The following NAALADL2 variants were observed in gnomAD, a reference collection of about 807,000 sequenced individuals.
The protein encoded by NAALADL2 is N-acetylated alpha-linked acidic dipeptidase like 2.
In NAALADL2, 76 loss-of-function variants were observed where a neutral mutation model predicts 87.2. That is an observed-to-expected ratio of 0.87 (90% CI 0.72 to 1.05). NAALADL2 has a LOEUF of 1.05. Among genes scored for constraint, NAALADL2 ranks in the 50% least tolerant of loss-of-function variants. The pLI is 0.00. For synonymous variants in NAALADL2, 354 were observed against 331.0 expected (o/e 1.07, Z -0.75); for missense variants, 1,089 against 945.8 (o/e 1.15, Z -1.99).
intron 5 of NAALADL2, among the ~76,000 whole-genome samples, chr3:175,337,453 G>A (rs1762105650): frequency 6.6e-6 from 1 of 151,970 alleles, no homozygotes; most frequent in Non-Finnish European, 1.5e-5. Flanking sequence ...GAAGGCATTG[G>A]GGCATTTCCC....
At chr3:175,545,359 G>C (rs1353337542) in intron 9 of NAALADL2, among the ~76,000 whole-genome samples, 1 of 151,908 alleles carries the variant, frequency 6.6e-6, no homozygotes, top group African/African-American at 2.4e-5. Context: ...TAACAATAAT[G>C]GTTGTTATAT....
intron 2 of NAALADL2, among the ~76,000 whole-genome samples, chr3:174,728,112 C>T (rs2108973244): frequency 6.6e-6 from 1 of 152,108 alleles, no homozygotes; most frequent in Non-Finnish European, 1.5e-5. Flanking sequence ...TTTACTTATA[C>T]ATTCACCTCT....
chr3:175,661,398 G>A (rs61300272), intron 11 of NAALADL2, among the ~76,000 whole-genome samples: 3,678 of 150,470 alleles, frequency 0.024, 149 homozygotes, highest in African/African-American at 0.085. Context: ...TATATATTCT[G>A]GTTATTAATT....
intron 6 of NAALADL2, among the ~76,000 whole-genome samples, chr3:175,449,354 A>G (rs1000473473): frequency 5.3e-5 from 8 of 150,364 alleles, no homozygotes; most frequent in African/African-American, 1.7e-4. Context: ...CTGGGATTAT[A>G]GGCATGAGCC....
chr3:174,568,022 C>T (rs1298700627), intron 2 of NAALADL2, among the ~76,000 whole-genome samples: 2 of 151,542 alleles, frequency 1.3e-5, no homozygotes, highest in Admixed American at 1.3e-4. Flanking sequence ...AGGCATAAAT[C>T]CATAAAACAG....
intron 2 of NAALADL2, among the ~76,000 whole-genome samples, chr3:175,199,465 A>G (rs1311470282): frequency 2.0e-5 from 3 of 152,072 alleles, no homozygotes; most frequent in Non-Finnish European, 4.4e-5. Flanking sequence ...TACATATAAT[A>G]TGTAAATAAT....
At chr3:175,567,698 T>G (rs1717402091) in intron 9 of NAALADL2, among the ~76,000 whole-genome samples, 1 of 151,466 alleles carries the variant, frequency 6.6e-6, no homozygotes, top group African/African-American at 2.4e-5. Flanking sequence ...TATTATGGGT[T>G]GAATTTTTCT....
In NAALADL2 at chr3:175,094,714, C is replaced by G. The variant is rs1720797504; in HGVS notation, c.44-2076C>G. Among the ~76,000 whole-genome samples the G allele has an allele frequency of 2.1e-5, 3 of 143,556 alleles. No individual in the cohort carries two copies. The South Asian group carries it at 6.6e-4, about 32-fold the overall frequency. The allele number at this position is 143,556 out of a possible 152,430, so 94.2% of individuals were successfully genotyped here. A position where few individuals can be genotyped will look rare whatever the true frequency, so the allele number is the denominator to read the frequency against. ...CATGGTGATTTTTATATTTTAATCT[C>G]TACACATAGACTAAATGTTAAAAAA... On this transcript the variant is annotated intron_variant, in intron 1 of 13. Transcript: ENST00000454872.
intron 2 of NAALADL2, among the ~76,000 whole-genome samples, chr3:175,190,978 T>A (rs1738092650): frequency 1.0e-5 from 1 of 97,556 alleles, no homozygotes; most frequent in African/African-American, 3.5e-5. Flanking sequence ...GGAGACTCCG[T>A]CTCAAAAAAA....
At chr3:174,889,164 T>A (rs752276637) in intron 1 of NAALADL2, among the ~76,000 whole-genome samples, 2 of 152,120 alleles carry the variant, frequency 1.3e-5, no homozygotes, top group Non-Finnish European at 2.9e-5. Flanking sequence ...TTCTAACATA[T>A]ACAAAACCAA....
At chr3:175,025,832 A>C (rs9857216) in intron 1 of NAALADL2, among the ~76,000 whole-genome samples, 35,077 of 151,958 alleles carry the variant, frequency 0.23, 5,941 homozygotes, top group African/African-American at 0.47. Context: ...TTGTTTGAGA[A>C]AGGGTCTCAC....
Position 175,603,002 on chromosome 3 carries a change from C to A in NAALADL2, c.1801-24289C>A, listed in dbSNP as rs138150850. Among the ~76,000 whole-genome samples, 38 of 152,220 alleles carry A rather than the reference C, an allele frequency of 2.5e-4. 1 individual carries two copies. The highest frequency in any genetic ancestry group is 9.1e-4 in the African/African-American group (38 of 41,544). On this transcript the variant is annotated intron_variant, in intron 10 of 13. Coordinates refer to ENST00000454872, the MANE Select transcript of NAALADL2 (RefSeq NM_207015.3). ...ATATGTCAGAGTATGTTATATACAT[C>A]ATGTTCTTTTACCTTAAATGTGTCT... is the stretch of plus-strand genomic sequence containing the variant.
chr3:175,120,553 A>G (rs1725998784), intron 2 of NAALADL2, among the ~76,000 whole-genome samples: 1 of 151,794 alleles, frequency 6.6e-6, no homozygotes, highest in Non-Finnish European at 1.5e-5. Context: ...AATGCTTGAA[A>G]TCGATCAGAG....
intron 13 of NAALADL2, among the ~76,000 whole-genome samples, chr3:175,800,219 A>G (rs1753983845): frequency 6.6e-6 from 1 of 151,840 alleles, no homozygotes; most frequent in South Asian, 2.1e-4. Flanking sequence ...TCCCTCTTTT[A>G]CGTGCTCCTT....
intron 10 of NAALADL2, among the ~76,000 whole-genome samples, chr3:175,586,903 G>T (rs1720616218): frequency 6.6e-6 from 1 of 152,206 alleles, no homozygotes; most frequent in Non-Finnish European, 1.5e-5. Context: ...AAACATTGGG[G>T]TTAAATTTAG....
At chr3:175,801,435 A>G (rs1385900605) in intron 13 of NAALADL2, among the ~76,000 whole-genome samples, 1 of 152,080 alleles carries the variant, frequency 6.6e-6, no homozygotes, top group Non-Finnish European at 1.5e-5. Flanking sequence ...TGATCTTACA[A>G]AAATGCTAAC....
At position 175,698,431 on chromosome 3, in the gene NAALADL2, GTATA is replaced by G. The variant is rs1291072224; in HGVS notation, c.1897-38871_1897-38868del. On this transcript the variant is annotated intron_variant, in intron 11 of 13. Coordinates refer to ENST00000454872, the MANE Select transcript of NAALADL2 (RefSeq NM_207015.3). ...TTTATGTATGTATACATATGTATGT[GTATA>G]TATTTATGTATGTATACATATATGT... Among the ~76,000 whole-genome samples, 169 of 128,582 alleles carry G rather than the reference GTATA, an allele frequency of 1.3e-3. 21 individuals are homozygous for G. The highest frequency in any genetic ancestry group is 2.0e-3 in the African/African-American group (64 of 31,354). The allele number at this position is 128,582 out of a possible 152,430, so 84.4% of individuals were successfully genotyped here.
chr3:174,797,197 C>T lies in NAALADL2; in HGVS notation c.-9+59451C>T, dbSNP rs143314724. Among the ~76,000 whole-genome samples the T allele has an allele frequency of 5.8e-3, 881 of 151,928 alleles. 1 individual carries two copies. Among genetic ancestry groups the T allele is most frequent in the African/African-American group, 0.014 (565 of 41,412 alleles). On this transcript the variant is annotated intron_variant, in intron 3 of 3. Coordinates refer to the NAALADL2 transcript ENST00000434257. ...TTTGGCAATCGAATTTTCCCAGCAC[C>T]ATCTATTGAAAAGAGTGTCATTTCC...
chr3:175,335,148 G>A (rs9838630), intron 5 of NAALADL2, among the ~76,000 whole-genome samples: 13,324 of 152,156 alleles, frequency 0.088, 1,864 homozygotes, highest in African/African-American at 0.3. Flanking sequence ...TGAGTTAGAA[G>A]GGCTAGAGCT....
Sources: gnomAD v4.1 joint callset for allele counts (sites outside exome capture counted in the v4.1 genomes callset) on GRCh38, gnomAD v4.1.1 for gene constraint, MANE v1.5 for transcripts, NCBI Gene and HGNC (gene_info 2026-07-23, HGNC 2026-07-21) for gene names.